RBFOX1: variants seen among roughly 807,000 people sequenced by gnomAD.
The protein encoded by RBFOX1 is RNA binding protein fox-1 homolog 1.
RBFOX1 carries 8 observed loss-of-function variants against 57.7 expected under a neutral mutation model. The observed-to-expected ratio is 0.14, with a 90% CI of 0.08 to 0.25. The LOEUF is 0.25. RBFOX1 is among the 10% of genes least tolerant of loss of function. The pLI is 1.00. For synonymous variants in RBFOX1, 326 were observed against 222.4 expected (o/e 1.47, Z -4.15); for missense variants, 611 against 548.5 (o/e 1.11, Z -1.14).
intron 2 of RBFOX1, among the ~76,000 whole-genome samples, chr16:6,544,639 G>C (rs1006711558): frequency 6.6e-6 from 1 of 152,186 alleles, no homozygotes; most frequent in African/African-American, 2.4e-5. Context: ...GGATGGATTT[G>C]AGGATCATAA....
intron 4 of RBFOX1, among the ~76,000 whole-genome samples, chr16:7,240,656 G>C (rs192619422): frequency 2.0e-5 from 3 of 152,256 alleles, no homozygotes; most frequent in Middle Eastern, 3.4e-3. Flanking sequence ...CTGGGCTCAA[G>C]TGATCCTCCC....
At chr16:7,417,735 G>A (rs531908541) in intron 4 of RBFOX1, among the ~76,000 whole-genome samples, 1 of 152,052 alleles carries the variant, frequency 6.6e-6, no homozygotes, top group Admixed American at 6.6e-5. Flanking sequence ...TTATAATTTT[G>A]TCATTTCAAG....
intron 4 of RBFOX1, among the ~76,000 whole-genome samples, chr16:5,922,578 C>A (rs1259599756): frequency 6.6e-6 from 1 of 152,136 alleles, no homozygotes; most frequent in Non-Finnish European, 1.5e-5. Context: ...GGTGAAGTGT[C>A]CCCGTGGTGC....
At chr16:6,594,019 C>G (rs2097752807) in intron 2 of RBFOX1, among the ~76,000 whole-genome samples, 1 of 152,272 alleles carries the variant, frequency 6.6e-6, no homozygotes, top group African/African-American at 2.4e-5. Context: ...ACAGCTTGGA[C>G]TGAATATTTA....
intron 4 of RBFOX1, among the ~76,000 whole-genome samples, chr16:7,451,640 T>G (rs2098860069): frequency 6.6e-6 from 1 of 152,188 alleles, no homozygotes; most frequent in African/African-American, 2.4e-5. Flanking sequence ...CATTTTGAAA[T>G]TAAACCTACC....
At chr16:7,470,242 G>A (rs1184995401) in intron 4 of RBFOX1, among the ~76,000 whole-genome samples, 1 of 152,180 alleles carries the variant, frequency 6.6e-6, no homozygotes, top group South Asian at 2.1e-4. Context: ...GCTGATTTCT[G>A]TGTCTGCCTC....
At chr16:6,586,271 G>A (rs753915199) in intron 2 of RBFOX1, among the ~76,000 whole-genome samples, 13 of 152,276 alleles carry the variant, frequency 8.5e-5, no homozygotes, top group South Asian at 4.1e-4. Context: ...TGAACCACTC[G>A]TCTTACAACC....
intron 4 of RBFOX1, among the ~76,000 whole-genome samples, chr16:7,072,466 ACTCTACT>A (rs901448649): frequency 2.0e-5 from 3 of 151,988 alleles, no homozygotes; most frequent in Admixed American, 1.3e-4. Flanking sequence ...TTTGTTCTTA[ACTCTACT>A]CTCTACTGCC....
chr16:7,507,569 T>C (rs975704454), intron 4 of RBFOX1, among the ~76,000 whole-genome samples: 2 of 139,552 alleles, frequency 1.4e-5, no homozygotes, highest in African/African-American at 5.2e-5. Flanking sequence ...TTCTTTCTTT[T>C]TTTTTTTTTT....
At chr16:7,129,147 A>C (rs1346668196) in intron 4 of RBFOX1, among the ~76,000 whole-genome samples, 1 of 152,156 alleles carries the variant, frequency 6.6e-6, no homozygotes, top group African/African-American at 2.4e-5. Context: ...GCCCAAAGTT[A>C]GATTTTTAGC....
At chr16:5,758,254 A>G (rs1261017276) in intron 3 of RBFOX1, among the ~76,000 whole-genome samples, 1 of 152,154 alleles carries the variant, frequency 6.6e-6, no homozygotes, top group African/African-American at 2.4e-5. Flanking sequence ...CATGGGGGGA[A>G]AAAGTTGAAG....
intron 3 of RBFOX1, among the ~76,000 whole-genome samples, chr16:6,795,007 C>T (rs1461568778): frequency 6.6e-6 from 1 of 152,062 alleles, no homozygotes; most frequent in African/African-American, 2.4e-5. Context: ...CATCTCCTGA[C>T]AGTCAGCTTA....
intron 3 of RBFOX1, among the ~76,000 whole-genome samples, chr16:5,839,080 C>G (rs899234943): frequency 1.3e-5 from 2 of 152,092 alleles, no homozygotes; most frequent in African/African-American, 4.8e-5. Context: ...CAGGAGAACA[C>G]CTACAGCAAA....
intron 4 of RBFOX1, among the ~76,000 whole-genome samples, chr16:7,344,101 C>CTTTTTTT (rs61008217): frequency 2.2e-5 from 2 of 90,588 alleles, no homozygotes; most frequent in African/African-American, 4.1e-5. Context: ...CTCAGCTTTA[C>CTTTTTTT]TTTTTTTTTT....
chr16:5,437,264 G>A (rs971895836), intron 1 of RBFOX1, among the ~76,000 whole-genome samples: 2 of 152,242 alleles, frequency 1.3e-5, no homozygotes, highest in Admixed American at 1.3e-4. Context: ...TTCAGGAACA[G>A]AAGAAAGCCA....
intron 2 of RBFOX1, among the ~76,000 whole-genome samples, chr16:6,421,773 C>T (rs917108463): frequency 6.6e-6 from 1 of 152,102 alleles, no homozygotes; most frequent in African/African-American, 2.4e-5. Context: ...TTATCTCAAC[C>T]TTGGCCCAGC....
chr16:7,066,746 C>G (rs1204257985), intron 4 of RBFOX1, among the ~76,000 whole-genome samples: 1 of 152,124 alleles, frequency 6.6e-6, no homozygotes, highest in East Asian at 1.9e-4. Context: ...ATCATTTCTT[C>G]TTTGTATGCC....
intron 3 of RBFOX1, among the ~76,000 whole-genome samples, chr16:7,031,920 C>G (rs147514917): frequency 4.4e-4 from 67 of 152,220 alleles, no homozygotes; most frequent in Middle Eastern, 6.8e-3. Context: ...TACGGAGGCC[C>G]TGCTTTCTTC....
intron 3 of RBFOX1, among the ~76,000 whole-genome samples, chr16:5,686,341 A>G (rs1382384249): frequency 6.6e-6 from 1 of 152,188 alleles, no homozygotes; most frequent in Non-Finnish European, 1.5e-5. Context: ...TTGTGACAAA[A>G]TATAATTTGT....
Sources: gnomAD v4.1 joint callset for allele counts (sites outside exome capture counted in the v4.1 genomes callset) on GRCh38, gnomAD v4.1.1 for gene constraint, MANE v1.5 for transcripts, NCBI Gene and HGNC (gene_info 2026-07-23, HGNC 2026-07-21) for gene names.